POU6F2: variants seen among roughly 807,000 people sequenced by gnomAD.
The protein encoded by POU6F2 is POU class 6 homeobox 2.
A neutral mutation model predicts 71.3 loss-of-function variants in POU6F2; 31 were observed. That is an observed-to-expected ratio of 0.43 (90% CI 0.33 to 0.59). POU6F2 has a LOEUF of 0.59. POU6F2 is among the 20% of genes least tolerant of loss of function. The pLI is 0.04. For synonymous variants in POU6F2, 347 were observed against 355.7 expected (o/e 0.98, Z 0.27); for missense variants, 783 against 856.8 (o/e 0.91, Z 1.07).
intron 4 of POU6F2, among the ~76,000 whole-genome samples, chr7:39,280,985 A>G (rs946681756): frequency 3.3e-5 from 5 of 150,780 alleles, no homozygotes; most frequent in African/African-American, 1.2e-4. Context: ...GCACCAAAGG[A>G]CACTTTGCTA....
chr7:39,308,518 G>T (rs1785091888), intron 4 of POU6F2, among the ~76,000 whole-genome samples: 1 of 152,172 alleles, frequency 6.6e-6, no homozygotes, highest in Non-Finnish European at 1.5e-5. Context: ...ACGGAAAGTT[G>T]GTCCTGGACT....
intron 2 of POU6F2, among the ~76,000 whole-genome samples, chr7:39,133,714 C>A (rs554698661): frequency 3.3e-5 from 5 of 152,288 alleles, no homozygotes; most frequent in African/African-American, 9.6e-5. Context: ...AGGGGCACAG[C>A]CACAGCCTAT....
chr7:39,185,341 A>G lies in POU6F2; in HGVS notation c.278-18894A>G, dbSNP rs1429340386. Among the ~76,000 whole-genome samples the G allele has an allele frequency of 1.8e-4, 27 of 152,226 alleles. 2 individuals are homozygous for G. Among genetic ancestry groups the G allele is most frequent in the Non-Finnish European group, 1.5e-5 (1 of 68,042 alleles). Reference sequence around the variant, plus strand: ...CCACTGGATTGTCCTCCCTCCCACCATAACATGACAACCAGGAAAATTGTC... The same window carrying G: ...CCACTGGATTGTCCTCCCTCCCACCGTAACATGACAACCAGGAAAATTGTC... On this transcript the variant is annotated intron_variant, in intron 2 of 9. Coordinates refer to ENST00000518318, the MANE Select transcript of POU6F2 (RefSeq NM_001370959.1).
chr7:39,370,906 C>T (rs1172388979), intron 5 of POU6F2, among the ~76,000 whole-genome samples: 2 of 152,122 alleles, frequency 1.3e-5, no homozygotes, highest in Non-Finnish European at 2.9e-5. Flanking sequence ...ATCTTGTGAG[C>T]CAATTCCTTA....
At chr7:39,368,674 G>T (rs1301996855) in intron 5 of POU6F2, among the ~76,000 whole-genome samples, 4 of 152,196 alleles carry the variant, frequency 2.6e-5, no homozygotes, top group African/African-American at 9.6e-5. Context: ...AAGACAGGCT[G>T]ACTCTCCTAT....
intron 5 of POU6F2, among the ~76,000 whole-genome samples, chr7:39,368,666 G>C (rs1786552396): frequency 6.6e-6 from 1 of 152,180 alleles, no homozygotes; most frequent in Non-Finnish European, 1.5e-5. Context: ...AGCTTCAAAA[G>C]ACAGGCTGAC....
At chr7:39,043,263 T>TG (rs769473760) in intron 1 of POU6F2, among the ~76,000 whole-genome samples, 9 of 151,944 alleles carry the variant, frequency 5.9e-5, no homozygotes, top group Admixed American at 3.3e-4. Context: ...GAAAATACAC[T>TG]GGGAAAAAAA....
In POU6F2 at chr7:39,204,232, CA is replaced by C; in HGVS notation, c.278-2del. 6.8e-6 allele frequency: 11 copies of C among 1,612,768 alleles called. No homozygotes were observed. The highest frequency in any genetic ancestry group is 9.3e-6 in the Non-Finnish European group (11 of 1,179,142). On this transcript the variant is annotated splice_acceptor_variant, in intron 2 of 9. Coordinates refer to ENST00000518318, the MANE Select transcript of POU6F2 (RefSeq NM_001370959.1). LOFTEE classifies it high-confidence loss of function. ...AAGGGAGTATTTCTCTTTTGAATTCCAGGGGCTAGAGGAAACCCAGCATTAT... is the reference window on the plus strand; with the variant it reads ...AAGGGAGTATTTCTCTTTTGAATTCCGGGGCTAGAGGAAACCCAGCATTAT...
At chr7:39,178,738 T>TA (rs1188373192) in intron 2 of POU6F2, among the ~76,000 whole-genome samples, 3 of 152,134 alleles carry the variant, frequency 2.0e-5, no homozygotes, top group African/African-American at 4.8e-5. Flanking sequence ...GGTGGCCTCA[T>TA]AAAAAACAGG....
chr7:39,078,045 A>AT (rs140217316), intron 1 of POU6F2, among the ~76,000 whole-genome samples: 2,052 of 152,326 alleles, frequency 0.013, 40 homozygotes, highest in African/African-American at 0.046. Context: ...CAAAACTACC[A>AT]TATGGTTAGA....
chr7:39,254,213 T>C (rs1296968899), intron 4 of POU6F2, among the ~76,000 whole-genome samples: 1 of 152,226 alleles, frequency 6.6e-6, no homozygotes, highest in Non-Finnish European at 1.5e-5. Context: ...GCTGGAAGAC[T>C]GAGTAATTTG....
intron 7 of POU6F2, among the ~76,000 whole-genome samples, chr7:39,436,052 G>A (rs746235077): frequency 3.3e-5 from 5 of 151,990 alleles, no homozygotes; most frequent in Non-Finnish European, 5.9e-5. Context: ...GAAGTGAGGC[G>A]GAGTGATGCC....
intron 2 of POU6F2, among the ~76,000 whole-genome samples, chr7:39,193,847 TTCTG>T (rs1211963135): frequency 1.3e-5 from 2 of 152,198 alleles, no homozygotes; most frequent in East Asian, 1.9e-4. Context: ...GTGAGTTAAT[TTCTG>T]TCTATTTATT....
intron 5 of POU6F2, among the ~76,000 whole-genome samples, chr7:39,403,284 C>A (rs1787345609): frequency 6.6e-6 from 1 of 152,144 alleles, no homozygotes; most frequent in Non-Finnish European, 1.5e-5. Flanking sequence ...ATTTAGACTC[C>A]AGAAGTAGAA....
intron 8 of POU6F2, among the ~76,000 whole-genome samples, chr7:39,454,690 A>C (rs1788749490): frequency 4.6e-5 from 2 of 43,748 alleles, no homozygotes; most frequent in Non-Finnish European, 8.6e-5. Flanking sequence ...ATATATATAT[A>C]TATATATATA....
chr7:39,056,292 CCTCT>C (rs1316680875), intron 1 of POU6F2, among the ~76,000 whole-genome samples: 2 of 151,414 alleles, frequency 1.3e-5, no homozygotes, highest in Non-Finnish European at 2.9e-5. Flanking sequence ...TAAATTTTTC[CCTCT>C]GTCAACTCCT....
chr7:39,171,120 C>A (rs1460764139), intron 2 of POU6F2, among the ~76,000 whole-genome samples: 2 of 148,394 alleles, frequency 1.3e-5, no homozygotes, highest in African/African-American at 5.0e-5. Context: ...GTTTGCTGCA[C>A]CTATAAACCC....
intron 2 of POU6F2, among the ~76,000 whole-genome samples, chr7:39,170,770 T>C (rs1357979781): frequency 1.3e-5 from 2 of 152,030 alleles, no homozygotes; most frequent in African/African-American, 4.8e-5. Context: ...AAGATAAATG[T>C]TTGAGGCGAC....
chr7:39,169,958 G>A (rs1441298849), intron 2 of POU6F2, among the ~76,000 whole-genome samples: 3 of 152,088 alleles, frequency 2.0e-5, no homozygotes, highest in African/African-American at 7.2e-5. Context: ...CAAGATGGGC[G>A]GATCACTTGA....
Sources: gnomAD v4.1 joint callset for allele counts (sites outside exome capture counted in the v4.1 genomes callset) on GRCh38, gnomAD v4.1.1 for gene constraint, MANE v1.5 for transcripts, NCBI Gene and HGNC (gene_info 2026-07-23, HGNC 2026-07-21) for gene names.